EIF3L: variants seen among roughly 807,000 people sequenced by gnomAD.
The protein encoded by EIF3L is eukaryotic translation initiation factor 3 subunit L.
EIF3L carries 32 observed loss-of-function variants against 74.6 expected under a neutral mutation model. That is an observed-to-expected ratio of 0.43 (90% CI 0.32 to 0.58). The LOEUF (loss-of-function observed/expected upper bound fraction) is 0.58, where lower values mean the gene tolerates loss of function less well. Ranked by LOEUF, EIF3L falls within the 20% of genes least tolerant of loss-of-function variation. The pLI is 0.06. For synonymous variants in EIF3L, 256 were observed against 254.4 expected, an observed-to-expected ratio of 1.01 and a Z score of -0.06; for missense variants, 474 against 707.8, an observed-to-expected ratio of 0.67 and a Z score of 3.75.
chr22:37,874,393 G>A lies in EIF3L; in HGVS notation c.775G>A (p.Glu259Lys). 6.2e-7 allele frequency: 1 copy of A among 1,614,088 alleles called. No individual in the cohort carries two copies. Among genetic ancestry groups the A allele is most frequent in the Non-Finnish European group, 8.5e-7 (1 of 1,180,000 alleles). ...AGGTGACCCTGAGAGTGTGGCTGGG[G>A]AGTATGGGCGGCACTCCCTCTACAA... Reference protein sequence around the residue: ...SGGDPESVAGEYGRHSLYKML... With the variant: ...SGGDPESVAGKYGRHSLYKML... The change falls in exon 9 of 13, where the codon GAG (glutamate) becomes AAG (lysine). Residue 259 changes from glutamate (E) to lysine (K), a missense_variant. This residue lies in a region of EIF3L where 293 missense variants were observed against 469.1 expected (regional missense o/e 0.62). Transcript: ENST00000652021.
intron 5 of EIF3L, among the ~76,000 whole-genome samples, chr22:37,859,987 G>A (rs975760877): frequency 6.6e-6 from 1 of 152,048 alleles, no homozygotes; most frequent in Admixed American, 6.5e-5. Context: ...ACTCCAGCCT[G>A]GGTGACAGAG....
Position 37,849,434 on chromosome 22 carries a change from C to G in EIF3L, c.-16C>G, listed in dbSNP as rs201377482. On this transcript the variant is annotated 5_prime_UTR_variant, in exon 1 of 13. Transcript: ENST00000652021. ...TCATTTCGCTCTTTCCGGCGGTGCT[C>G]GCAAGCGAGGCAGCCATGTCTTATC... is the stretch of plus-strand genomic sequence containing the variant. 1.9e-6 allele frequency: 3 copies of G among 1,613,922 alleles called. No homozygotes were observed. The highest frequency in any genetic ancestry group is 2.2e-5 in the East Asian group (1 of 44,830).
intron 4 of EIF3L, among the ~76,000 whole-genome samples, chr22:37,858,147 A>G (rs1205516167): frequency 2.6e-5 from 4 of 151,174 alleles, no homozygotes; most frequent in Non-Finnish European, 5.9e-5. Context: ...CTGCACTCCA[A>G]CCTTGGCAAC....
chr22:37,859,674 G>T (rs1035988822), intron 5 of EIF3L, among the ~76,000 whole-genome samples: 9 of 150,304 alleles, frequency 6.0e-5, no homozygotes, highest in African/African-American at 1.7e-4. Flanking sequence ...GAGCCACCAC[G>T]CCCGGCCTAG....
chr22:37,856,279 GT>G (rs1925500661), intron 4 of EIF3L, among the ~76,000 whole-genome samples: 1 of 152,068 alleles, frequency 6.6e-6, no homozygotes, highest in Admixed American at 6.6e-5. Context: ...GTTTCACCGT[GT>G]TGGCCAGGCT....
intron 3 of EIF3L, 115 bp downstream of exon 3, chr22:37,851,605 G>A: frequency 1.9e-6 from 1 of 528,758 alleles, no homozygotes; most frequent in South Asian, 1.8e-5. Flanking sequence ...TTGGGGGGTG[G>A]GGGTCTTTGT....
intron 7 of EIF3L, among the ~76,000 whole-genome samples, chr22:37,867,656 CAAAA>C (rs59463385): frequency 1.1e-4 from 11 of 103,236 alleles, no homozygotes; most frequent in South Asian, 3.4e-4. Flanking sequence ...GATTCCGTCT[CAAAA>C]AAAAAAAAAA....
At chr22:37,854,057 C>T (rs1171872227) in intron 3 of EIF3L, among the ~76,000 whole-genome samples, 6 of 152,200 alleles carry the variant, frequency 3.9e-5, no homozygotes, top group African/African-American at 7.2e-5. Flanking sequence ...TGAAGCCAAG[C>T]ATCTTGTAAG....
chr22:37,884,300 G>A (rs1927208788), intron 11 of EIF3L: 1 of 152,054 alleles, frequency 6.6e-6, no homozygotes, highest in Non-Finnish European at 1.5e-5. Flanking sequence ...TCCATTTGTT[G>A]TTGCACATTT....
rs182405149 is a variant in EIF3L at position 37,852,338 on chromosome 22, G to A, written c.293+848G>A. The stretch of plus-strand genomic sequence containing the variant: ...AAATAAGTCATGTAGCTAGTTTAAT[G>A]GATGTGCTGAGATTTGAACCTGCAG... On this transcript the variant is annotated intron_variant, in intron 3 of 12. Transcript: ENST00000652021. Among the ~76,000 whole-genome samples, 526 of 152,266 alleles carry A rather than the reference G, an allele frequency of 3.5e-3. 3 individuals are homozygous for A. The highest frequency in any genetic ancestry group is 5.2e-3 in the Non-Finnish European group (355 of 68,024).
intron 3 of EIF3L, among the ~76,000 whole-genome samples, chr22:37,854,379 C>G (rs1165304167): frequency 6.6e-6 from 1 of 152,114 alleles, no homozygotes; most frequent in Non-Finnish European, 1.5e-5. Flanking sequence ...AGCCAGAGAG[C>G]AGTGGGGTGA....
rs1927453119 is a variant in EIF3L, at chr22:37,888,861, T to G, written c.*397T>G. On this transcript the variant is annotated 3_prime_UTR_variant, in exon 13 of 13. Transcript: ENST00000652021. ...AGGTTCAAGCAGTTCTGCCTCAGCC[T>G]TCCAAGTAGCTGGGATTACAGGCGT... 1 of 179,344 alleles carries G rather than the reference T, an allele frequency of 5.6e-6. No individual in the cohort carries two copies. The highest frequency in any genetic ancestry group is 1.2e-5 in the Non-Finnish European group (1 of 85,910). 11.1% of individuals were successfully genotyped at this position (179,344 alleles called of 1,614,324 possible).
chr22:37,875,195 C>A (rs1926680296), intron 9 of EIF3L, among the ~76,000 whole-genome samples: 1 of 150,536 alleles, frequency 6.6e-6, no homozygotes, highest in African/African-American at 2.4e-5. Flanking sequence ...ATGGTGAAAC[C>A]CTGTCTCTGT....
At chr22:37,858,337 A>G (rs922070700) in intron 4 of EIF3L, among the ~76,000 whole-genome samples, 1 of 132,640 alleles carries the variant, frequency 7.5e-6, no homozygotes, top group African/African-American at 2.9e-5. Context: ...CGATCCTCCC[A>G]CCTTAGCCTG....
intron 11 of EIF3L, chr22:37,879,486 T>G (rs1451505725): frequency 6.7e-6 from 1 of 148,428 alleles, no homozygotes; most frequent in Non-Finnish European, 1.5e-5. Flanking sequence ...AGAGCGACAC[T>G]CCGTCTCAAA....
intron 5 of EIF3L, among the ~76,000 whole-genome samples, chr22:37,860,305 CAAA>C (rs1925788751): frequency 6.6e-6 from 1 of 152,202 alleles, no homozygotes; most frequent in Admixed American, 6.5e-5. Flanking sequence ...TGATATCCAG[CAAA>C]TCCTGTTAAG....
Position 37,850,012 on chromosome 22 carries a change from T to C in EIF3L, c.34-3T>C. ...GTCCTTGACTGTGTCTCTTTCCTTC[T>C]AGGCGGCTTATGACCCCTACGCTTA... On this transcript the variant is annotated splice_region_variant and splice_polypyrimidine_tract_variant and intron_variant, in intron 1 of 12. Transcript: ENST00000652021. 2 of 1,613,646 alleles carry C rather than the reference T, an allele frequency of 1.2e-6. No individual in the cohort carries two copies. Among genetic ancestry groups the C allele is most frequent in the Non-Finnish European group, 1.7e-6 (2 of 1,179,684 alleles).
intron 7 of EIF3L, among the ~76,000 whole-genome samples, chr22:37,863,955 C>T (rs534054843): frequency 8.0e-4 from 122 of 152,000 alleles, no homozygotes; most frequent in Non-Finnish European, 1.4e-3. Flanking sequence ...GTCCCAGCTA[C>T]TCAGTAGGCT....
intron 5 of EIF3L, among the ~76,000 whole-genome samples, chr22:37,862,117 T>C (rs905005535): frequency 1.3e-5 from 2 of 152,246 alleles, no homozygotes; most frequent in African/African-American, 4.8e-5. Flanking sequence ...ATTACAGGCG[T>C]GAGCCACTGC....
Sources: allele counts gnomAD v4.1 joint callset (sites outside exome capture counted in the v4.1 genomes callset), GRCh38; gene constraint gnomAD v4.1.1; regional missense constraint gnomAD v4.1.1; transcripts MANE v1.5; gene names NCBI Gene and HGNC (gene_info 2026-07-23, HGNC 2026-07-21).